The following SLC45A4 variants were observed in gnomAD, a reference collection of about 807,000 sequenced individuals.
SLC45A4 encodes the protein polyamine-transporter SLC45A4.
Under a neutral mutation model 63.7 loss-of-function variants are expected in SLC45A4, and 32 were observed. That is an observed-to-expected ratio of 0.50 (90% CI 0.38 to 0.67). SLC45A4 has a LOEUF of 0.67. Among genes scored for constraint, SLC45A4 ranks in the 30% least tolerant of loss-of-function variants. The pLI is 0.00. For synonymous variants in SLC45A4, 535 were observed against 510.0 expected, an observed-to-expected ratio of 1.05 and a Z score of -0.66; for missense variants, 1,027 against 1,157.7, an observed-to-expected ratio of 0.89 and a Z score of 1.64.
chr8:141,287,033 C>T (rs1470642727), intron 1 of SLC45A4, among the ~76,000 whole-genome samples: 1 of 152,056 alleles, frequency 6.6e-6, no homozygotes, highest in South Asian at 2.1e-4. Flanking sequence ...GACCAAGCAC[C>T]GTGTGACCTT....
In SLC45A4 at chr8:141,254,689, T is replaced by C. The variant is rs769782970; in HGVS notation, c.-400-60A>G. 1.4e-5 allele frequency: 10 copies of C among 694,932 alleles called. No individual in the cohort carries two copies. In the East Asian group the frequency reaches 2.7e-4, roughly 19 times the overall value. 43.0% of individuals were successfully genotyped at this position (694,932 alleles called of 1,614,324 possible). The stretch of plus-strand genomic sequence containing the variant: ...AGGGGACGGCCACCAGATGGCCCTG[T>C]GGACCGCCGCCCGACCCCCGAGCAA... On this transcript the variant is annotated intron_variant, in intron 1 of 8. Transcript: ENST00000517878. This position sits in a 1 kb window ranked among gnomAD's most constrained non-coding sequence, Gnocchi z 4.5.
intron 2 of SLC45A4, among the ~76,000 whole-genome samples, chr8:141,236,027 C>A (rs1176690001): frequency 6.6e-6 from 1 of 152,152 alleles, no homozygotes; most frequent in Non-Finnish European, 1.5e-5. Flanking sequence ...TCGCTTGAAC[C>A]CGGGAGGTGG....
At chr8:141,273,903 A>T (rs1829631954) in intron 1 of SLC45A4, among the ~76,000 whole-genome samples, 1 of 152,240 alleles carries the variant, frequency 6.6e-6, no homozygotes, top group African/African-American at 2.4e-5. Flanking sequence ...CGGATATTTC[A>T]GCAATGTTAA....
At chr8:141,237,859 G>C (rs755650499) in intron 2 of SLC45A4, among the ~76,000 whole-genome samples, 16 of 152,200 alleles carry the variant, frequency 1.1e-4, no homozygotes, top group Non-Finnish European at 2.2e-4. Flanking sequence ...CATCCAGCAG[G>C]TAGGTGCTCC....
chr8:141,218,839 C>T lies in SLC45A4; in HGVS notation c.801G>A (p.Glu267=), dbSNP rs745825004. 6.2e-7 allele frequency: 1 copy of T among 1,613,222 alleles called. No individual in the cohort carries two copies. The highest frequency in any genetic ancestry group is 8.5e-7 in the Non-Finnish European group (1 of 1,179,900). ...QYSPQQERSA[E]EPGALDGGEP... is the part of the protein sequence containing the mutation. ...CGCCCCCATCCAGGGCGCCGGGCTC[C>T]TCAGCGCTGCGCTCCTGCTGCGGGC... Residue 267 remains glutamate, a synonymous_variant, in exon 5 of 9, where the codon GAG becomes GAA. Coordinates refer to ENST00000517878, the MANE Select transcript of SLC45A4 (RefSeq NM_001286646.2).
chr8:141,271,956 C>T (rs953966017), intron 1 of SLC45A4, among the ~76,000 whole-genome samples: 3 of 152,076 alleles, frequency 2.0e-5, no homozygotes, highest in Admixed American at 6.5e-5. Flanking sequence ...TGCACTCACA[C>T]GTGTGCAACA....
chr8:141,302,017 A>T (rs1372782199), intron 1 of SLC45A4, among the ~76,000 whole-genome samples: 2 of 152,120 alleles, frequency 1.3e-5, no homozygotes, highest in African/African-American at 4.8e-5. Flanking sequence ...GCAAACATAC[A>T]AGTTCACAAA....
At chr8:141,297,263 C>T (rs180885016) in intron 1 of SLC45A4, among the ~76,000 whole-genome samples, 400 of 152,098 alleles carry the variant, frequency 2.6e-3, no homozygotes, top group Non-Finnish European at 4.7e-3. Context: ...CAAGAAGAGG[C>T]GGGCACCCGG....
rs112050987 is a variant in SLC45A4 at position 141,207,803 on chromosome 8, G to A, written c.*3769C>T. On this transcript the variant is annotated 3_prime_UTR_variant, in exon 9 of 9. Coordinates refer to ENST00000517878, the MANE Select transcript of SLC45A4 (RefSeq NM_001286646.2). ...CCACCTTGAGCTCTGGCCGGAGGGTGATGGCTGGCTTTGCATGAGGAGGTG... is the reference window on the plus strand; with the variant it reads ...CCACCTTGAGCTCTGGCCGGAGGGTAATGGCTGGCTTTGCATGAGGAGGTG... The A allele has an allele frequency of 0.01, 1,570 of 152,590 alleles. 28 individuals carry two copies. Among genetic ancestry groups the A allele is most frequent in the African/African-American group, 0.036 (1,493 of 41,582 alleles). The allele number at this position is 152,590 out of a possible 1,614,324, so 9.5% of individuals were successfully genotyped here. A position where few individuals can be genotyped will look rare whatever the true frequency, so the allele number is the denominator to read the frequency against.
At position 141,218,304 on chromosome 8, in the gene SLC45A4, C is replaced by T. The variant is rs138208452; in HGVS notation, c.1336G>A (p.Val446Met). The stretch of plus-strand genomic sequence containing the variant: ...CTGCGCGACGGCTTGATCAGCACCA[C>T]GGCGTTGGCGCGCCGGTAGCGGTAG... The part of the protein sequence containing the change: ...HCYRYRRANA[V>M]VLIKPSRSMS... The change falls in exon 5 of 9, where the codon GTG (valine) becomes ATG (methionine). Residue 446 changes from valine to methionine, a missense_variant. By Grantham distance (21) the Val-to-Met change is conservative (BLOSUM62 1). Coordinates refer to ENST00000517878, the MANE Select transcript of SLC45A4 (RefSeq NM_001286646.2). 2.0e-5 allele frequency: 32 copies of T among 1,606,230 alleles called. 1 individual carries two copies. The highest frequency in any genetic ancestry group is 7.7e-5 in the South Asian group (7 of 91,080).
At chr8:141,304,513 C>G (rs927705039) in intron 1 of SLC45A4, among the ~76,000 whole-genome samples, 1 of 147,754 alleles carries the variant, frequency 6.8e-6, no homozygotes, top group African/African-American at 2.5e-5. Flanking sequence ...GAACCAAGAT[C>G]GCACCACTGC....
intron 2 of SLC45A4, among the ~76,000 whole-genome samples, chr8:141,222,747 C>T (rs1337587688): frequency 6.6e-6 from 1 of 152,238 alleles, no homozygotes; most frequent in African/African-American, 2.4e-5. Context: ...TGACCACGCA[C>T]CTCTGACGCC....
At position 141,217,919 on chromosome 8, in the gene SLC45A4, G is replaced by A. The variant is rs1285813155; in HGVS notation, c.1629+92C>T. On this transcript the variant is annotated intron_variant, in intron 5 of 8. Coordinates refer to ENST00000517878, the MANE Select transcript of SLC45A4 (RefSeq NM_001286646.2). ...TGGCCTCCCTGACACGCGTGGGCAC[G>A]AGGAAGAGGCCCCCCGGCCCAGCCC... 43 of 1,430,972 alleles carry A rather than the reference G, an allele frequency of 3.0e-5. No homozygotes were observed. The East Asian group carries it at 9.2e-4, about 31-fold the overall frequency. 88.6% of individuals were successfully genotyped at this position (1,430,972 alleles called of 1,614,324 possible).
At position 141,307,797 on chromosome 8, in the gene SLC45A4, CCCGGGGTGGGGG is replaced by C. The variant is rs553360759; in HGVS notation, c.-401+287_-401+298del. ...GCCGGGTCCAAATGAAGGCGCGCGC[CCCGGGGTGGGGG>C]CCGGGGTGGGGGGAATGAGGGAGGC... On this transcript the variant is annotated intron_variant, in intron 1 of 8. Coordinates refer to ENST00000517878, the MANE Select transcript of SLC45A4 (RefSeq NM_001286646.2). 3.2e-3 allele frequency among the ~76,000 whole-genome samples: 383 copies of C among 120,262 alleles called. 2 individuals are homozygous for C. Among genetic ancestry groups the C allele is most frequent in the African/African-American group, 0.011 (352 of 32,846 alleles). 78.9% of individuals were successfully genotyped at this position (120,262 alleles called of 152,430 possible).
At chr8:141,269,004 A>G (rs1302825414) in intron 1 of SLC45A4, among the ~76,000 whole-genome samples, 1 of 152,226 alleles carries the variant, frequency 6.6e-6, no homozygotes, top group African/African-American at 2.4e-5. Context: ...CACGTGGATC[A>G]GTGTGGAGGG....
At chr8:141,252,908 C>T (rs376843904) in intron 2 of SLC45A4, among the ~76,000 whole-genome samples, 35 of 147,092 alleles carry the variant, frequency 2.4e-4, no homozygotes, top group African/African-American at 8.4e-4. Context: ...TGTGAATTTT[C>T]GTGTTTTCAT....
chr8:141,285,999 G>A (rs769807127), intron 1 of SLC45A4, among the ~76,000 whole-genome samples: 12 of 152,214 alleles, frequency 7.9e-5, no homozygotes, highest in Admixed American at 1.3e-4. Context: ...GGTGGGGGCA[G>A]ACGTGAGCGG....
chr8:141,271,188 T>C (rs1829507739), intron 1 of SLC45A4, among the ~76,000 whole-genome samples: 1 of 152,220 alleles, frequency 6.6e-6, no homozygotes, highest in South Asian at 2.1e-4. Context: ...CTGAGCTTAC[T>C]GGAAGAGCTC....
At chr8:141,239,147 G>A (rs1446285236) in intron 2 of SLC45A4, among the ~76,000 whole-genome samples, 1 of 152,184 alleles carries the variant, frequency 6.6e-6, no homozygotes, top group African/African-American at 2.4e-5. Flanking sequence ...GCCCTACCAG[G>A]TTACCCACGT....
Sources: gnomAD v4.1 joint callset for allele counts (sites outside exome capture counted in the v4.1 genomes callset) on GRCh38, gnomAD v4.1.1 for gene constraint, Gnocchi (gnomAD v3.1) non-coding constraint, MANE v1.5 for transcripts, NCBI Gene and HGNC (gene_info 2026-07-23, HGNC 2026-07-21) for gene names.